The following NLN variants were observed in gnomAD, a reference collection of about 807,000 sequenced individuals.
NLN encodes neurolysin, also known as neurolysin, mitochondrial.
A neutral mutation model predicts 79.9 loss-of-function variants in NLN; 64 were observed. That is an observed-to-expected ratio of 0.80 (90% CI 0.65 to 0.99). NLN has a LOEUF of 0.99. Among genes scored for constraint, NLN ranks in the 50% least tolerant of loss-of-function variants. NLN has a pLI of 0.00. For missense variants in NLN, 835 were observed against 858.7 expected, an observed-to-expected ratio of 0.97 and a Z score of 0.34; for synonymous variants, 267 against 296.6, an observed-to-expected ratio of 0.90 and a Z score of 1.02.
At chr5:65,731,133 G>A (rs1418876792) in intron 1 of NLN, among the ~76,000 whole-genome samples, 1 of 152,210 alleles carries the variant, frequency 6.6e-6, no homozygotes, top group Non-Finnish European at 1.5e-5. Context: ...CACAGCTGGG[G>A]CTATTTGGCC....
chr5:65,810,081 T>C lies in NLN; in HGVS notation c.1759T>C (p.Ser587Pro). Reference protein sequence around the residue: ...RQIVLSKVDQSLHTNTSLDAA... With the variant: ...RQIVLSKVDQPLHTNTSLDAA... ...GATTGTTTTGAGCAAAGTTGATCAGTCTCTTCATACCAACACATCGCTGGA... is the reference window on the plus strand; with the variant it reads ...GATTGTTTTGAGCAAAGTTGATCAGCCTCTTCATACCAACACATCGCTGGA... The change falls in exon 11 of 13, where the codon TCT becomes CCT. Residue 587 changes from serine (S) to proline (P), a missense_variant. By Grantham distance (74) the Ser-to-Pro change is moderately conservative. Coordinates refer to ENST00000380985, the MANE Select transcript of NLN (RefSeq NM_020726.5). 6.2e-7 allele frequency: 1 copy of C among 1,614,032 alleles called. No homozygotes were observed. The highest frequency in any genetic ancestry group is 8.5e-7 in the Non-Finnish European group (1 of 1,179,882).
intron 3 of NLN, among the ~76,000 whole-genome samples, chr5:65,769,736 A>G (rs1030025968): frequency 6.6e-6 from 1 of 152,160 alleles, no homozygotes; most frequent in Non-Finnish European, 1.5e-5. Context: ...AGGCTTTTTT[A>G]TAATATAAGT....
chr5:65,788,087 G>A (rs1305189260), intron 7 of NLN, 31 bp from the exon 8 acceptor site: 5 of 1,592,292 alleles, frequency 3.1e-6, no homozygotes, highest in Non-Finnish European at 3.4e-6. Flanking sequence ...CCAAAAGCAA[G>A]TAGATCACTA....
intron 1 of NLN, among the ~76,000 whole-genome samples, chr5:65,737,391 A>G (rs1219074380): frequency 1.3e-5 from 2 of 152,188 alleles, no homozygotes; most frequent in African/African-American, 4.8e-5. Flanking sequence ...CTGTATTAAT[A>G]CTTCCATAGT....
At chr5:65,795,133 G>A (rs1481350578) in intron 9 of NLN, among the ~76,000 whole-genome samples, 2 of 152,104 alleles carry the variant, frequency 1.3e-5, no homozygotes, top group Non-Finnish European at 2.9e-5. Context: ...CAGGAGGATT[G>A]CTTTGACCCT....
At chr5:65,772,953 G>T (rs28460319) in intron 3 of NLN, among the ~76,000 whole-genome samples, 272 of 140,582 alleles carry the variant, frequency 1.9e-3, no homozygotes, top group Admixed American at 6.1e-3. Context: ...ATTCTTTTTT[G>T]TTTTTTTTTT....
At position 65,792,521 on chromosome 5, in the gene NLN, C is replaced by T. The variant is rs745407484; in HGVS notation, c.1393C>T (p.Arg465Trp). The change falls in exon 9 of 13, where the codon CGG (arginine) becomes TGG (tryptophan). Residue 465 changes from arginine (R) to tryptophan (W), a missense_variant. Arg to Trp is a moderately radical substitution (Grantham distance 101). Transcript: ENST00000380985. Reference protein sequence around the residue: ...QPGCLLPDGSRMMAVAALVVN... With the variant: ...QPGCLLPDGSWMMAVAALVVN... ...TGGCTGCCTTCTGCCTGATGGAAGC[C>T]GGATGATGGCAGTGGCTGCCCTCGT... is the stretch of plus-strand genomic sequence containing the variant. 3.1e-5 allele frequency: 50 copies of T among 1,613,964 alleles called. No individual in the cohort carries two copies. The Admixed American group carries it at 4.3e-4, about 14-fold the overall frequency.
intron 6 of NLN, among the ~76,000 whole-genome samples, chr5:65,782,440 C>T (rs1759821116): frequency 6.6e-6 from 1 of 152,168 alleles, no homozygotes; most frequent in Admixed American, 6.5e-5. Flanking sequence ...AATAACTATA[C>T]CCAAATATCA....
chr5:65,749,434 T>G (rs1759055992), intron 1 of NLN, among the ~76,000 whole-genome samples: 1 of 152,204 alleles, frequency 6.6e-6, no homozygotes, highest in Admixed American at 6.5e-5. Flanking sequence ...TGAGAGAATG[T>G]CAGTGCACTT....
At chr5:65,727,344 A>G (rs1579902192) in intron 1 of NLN, among the ~76,000 whole-genome samples, 1 of 152,036 alleles carries the variant, frequency 6.6e-6, no homozygotes, top group Admixed American at 6.6e-5. Context: ...ATTTGAAAAA[A>G]TTGTTTGTAG....
chr5:65,750,733 AAGAG>A (rs1269105197), intron 1 of NLN, among the ~76,000 whole-genome samples: 1 of 152,096 alleles, frequency 6.6e-6, no homozygotes, highest in Non-Finnish European at 1.5e-5. Flanking sequence ...AGTAAAGAGA[AAGAG>A]AGAGAGAGAA....
chr5:65,798,519 T>C (rs1760216423), intron 9 of NLN, among the ~76,000 whole-genome samples: 1 of 152,010 alleles, frequency 6.6e-6, no homozygotes, highest in African/African-American at 2.4e-5. Context: ...TCTGTGTGAG[T>C]TGACTGTTGA....
rs1758681360 is a variant in NLN, at chr5:65,734,368, A to C, written c.41+11954A>C. On this transcript the variant is annotated intron_variant, in intron 1 of 12. Coordinates refer to ENST00000380985, the MANE Select transcript of NLN (RefSeq NM_020726.5). The stretch of plus-strand genomic sequence containing the variant: ...GTGCTGACTGTGAGTGGAAAAACAA[A>C]GGTGACTCAGCTGGGGGCAGAACTG... 1.4e-5 allele frequency among the ~76,000 whole-genome samples: 2 copies of C among 138,160 alleles called. 1 individual carries two copies. The highest frequency in any genetic ancestry group is 5.5e-5 in the African/African-American group (2 of 36,172). The allele number at this position is 138,160 out of a possible 152,430, so 90.6% of individuals were successfully genotyped here. A position where few individuals can be genotyped will look rare whatever the true frequency, so the allele number is the denominator to read the frequency against.
chr5:65,785,605 C>CA (rs111882029), intron 6 of NLN, among the ~76,000 whole-genome samples, 170 bp from the exon 7 acceptor site: 1,578 of 76,808 alleles, frequency 0.021, 16 homozygotes, highest in South Asian at 0.036. Context: ...ATCATGAATC[C>CA]AAAAAAAAAA....
At chr5:65,745,362 G>A (rs1167339165) in intron 1 of NLN, among the ~76,000 whole-genome samples, 1 of 152,154 alleles carries the variant, frequency 6.6e-6, no homozygotes, top group African/African-American at 2.4e-5. Context: ...GGGAGTTGCA[G>A]CATCAGTATA....
At chr5:65,753,179 C>T (rs1426984911) in intron 1 of NLN, among the ~76,000 whole-genome samples, 3 of 152,096 alleles carry the variant, frequency 2.0e-5, no homozygotes, top group Non-Finnish European at 4.4e-5. Context: ...TGTATTGAAA[C>T]ATCGCACTGT....
chr5:65,723,638 C>T (rs1758375013), intron 1 of NLN, among the ~76,000 whole-genome samples: 1 of 151,728 alleles, frequency 6.6e-6, no homozygotes, highest in East Asian at 1.9e-4. Flanking sequence ...CACGGTGAAA[C>T]CCCGTCTCTA....
intron 9 of NLN, among the ~76,000 whole-genome samples, chr5:65,794,324 C>T (rs980187665): frequency 3.3e-5 from 5 of 152,034 alleles, no homozygotes; most frequent in African/African-American, 9.7e-5. Context: ...AAAAATGCTT[C>T]GCAAGGCTAG....
At chr5:65,822,236 C>T (rs1484534988) in intron 12 of NLN, among the ~76,000 whole-genome samples, 1 of 152,236 alleles carries the variant, frequency 6.6e-6, no homozygotes, top group Non-Finnish European at 1.5e-5. Flanking sequence ...TTCCCAGCAT[C>T]GGACCCACAA....
Sources: allele counts gnomAD v4.1 joint callset (sites outside exome capture counted in the v4.1 genomes callset), GRCh38; gene constraint gnomAD v4.1.1; transcripts MANE v1.5; gene names NCBI Gene and HGNC (gene_info 2026-07-23, HGNC 2026-07-21).